PRKN: variants seen among roughly 807,000 people sequenced by gnomAD.
PRKN encodes E3 ubiquitin-protein ligase parkin.
A neutral mutation model predicts 59.5 loss-of-function variants in PRKN; 56 were observed. The ratio of observed to expected loss-of-function variants is 0.94; its 90% CI spans 0.76 to 1.18. PRKN has a LOEUF of 1.18. Among genes scored for constraint, PRKN ranks in the 50% most tolerant of loss-of-function variants. PRKN has a pLI of 0.00. For missense variants in PRKN, 657 were observed against 596.4 expected (o/e 1.10, Z -1.06); for synonymous variants, 250 against 222.1 (o/e 1.13, Z -1.12).
At chr6:161,669,331 C>T (rs560204069) in intron 7 of PRKN, among the ~76,000 whole-genome samples, 9 of 152,084 alleles carry the variant, frequency 5.9e-5, no homozygotes, top group Non-Finnish European at 8.8e-5. Context: ...TCACAGTGAC[C>T]GCCTCCAGCT....
chr6:162,429,743 G>A (rs888937017), intron 2 of PRKN, among the ~76,000 whole-genome samples: 6 of 152,088 alleles, frequency 3.9e-5, no homozygotes, highest in Admixed American at 3.3e-4. Context: ...GGGACGCACC[G>A]GTCCTGCTTA....
rs1394900448 is a variant in PRKN at position 161,582,716 on chromosome 6, T to C, written c.872-13300A>G. ...TTCTGGGATTACAGGTGTGAGACACTGCGCCTGGCCTGCAGACTATTATTA... is the reference window on the plus strand; with the variant it reads ...TTCTGGGATTACAGGTGTGAGACACCGCGCCTGGCCTGCAGACTATTATTA... On this transcript the variant is annotated intron_variant, in intron 7 of 11. Transcript: ENST00000366898. This position sits in a 1 kb window ranked among gnomAD's most constrained non-coding sequence, Gnocchi z 4.4. Among the ~76,000 whole-genome samples, 1 of 152,030 alleles carries C rather than the reference T, an allele frequency of 6.6e-6. No homozygotes were observed. Among genetic ancestry groups the C allele is most frequent in the Non-Finnish European group, 1.5e-5 (1 of 68,010 alleles).
intron 3 of PRKN, among the ~76,000 whole-genome samples, chr6:162,239,549 G>A (rs558194128): frequency 3.9e-5 from 6 of 152,024 alleles, no homozygotes; most frequent in African/African-American, 1.4e-4. Flanking sequence ...CCACTCCCAC[G>A]GCATCTCGGC....
chr6:161,772,065 C>G (rs1789714150), intron 7 of PRKN, among the ~76,000 whole-genome samples: 1 of 152,094 alleles, frequency 6.6e-6, no homozygotes, highest in Admixed American at 6.5e-5. Context: ...GCCAAAGCAA[C>G]ATACAGTATT....
chr6:162,634,798 A>G (rs1355929475), intron 1 of PRKN, among the ~76,000 whole-genome samples: 2 of 152,048 alleles, frequency 1.3e-5, no homozygotes, highest in Non-Finnish European at 2.9e-5. Context: ...TAATTTTTCT[A>G]TTTTTAGTAG....
intron 5 of PRKN, among the ~76,000 whole-genome samples, chr6:162,000,098 A>G (rs2128262366): frequency 6.6e-6 from 1 of 152,258 alleles, no homozygotes; most frequent in South Asian, 2.1e-4. Context: ...TAAAGTCGCT[A>G]TAAATATCCA....
At chr6:162,211,525 T>G (rs939952478) in intron 3 of PRKN, among the ~76,000 whole-genome samples, 1 of 152,142 alleles carries the variant, frequency 6.6e-6, no homozygotes. Context: ...AATTTAAAAT[T>G]TTTTAAAAAA....
intron 2 of PRKN, among the ~76,000 whole-genome samples, chr6:162,307,260 C>T (rs1327236281): frequency 1.3e-5 from 2 of 151,920 alleles, no homozygotes; most frequent in Non-Finnish European, 2.9e-5. Flanking sequence ...ATTAGCCAGT[C>T]ATGCTGGTGG....
In PRKN at chr6:161,561,863, C is replaced by G. The variant is rs960741235; in HGVS notation, c.933+7492G>C. Among the ~76,000 whole-genome samples, 2 of 152,196 alleles carry G rather than the reference C, an allele frequency of 1.3e-5. No homozygotes were observed. Among genetic ancestry groups the G allele is most frequent in the African/African-American group, 4.8e-5 (2 of 41,448 alleles). On this transcript the variant is annotated intron_variant, in intron 8 of 11. Coordinates refer to ENST00000366898, the MANE Select transcript of PRKN (RefSeq NM_004562.3). This position sits in a 1 kb window ranked among gnomAD's most constrained non-coding sequence, Gnocchi z 5.0. Reference sequence around the variant, plus strand: ...CTCTAGAAGGAATTATCCTCCCCTTCTGTTCACTCTTCATCCCATAAAACT... The same window carrying G: ...CTCTAGAAGGAATTATCCTCCCCTTGTGTTCACTCTTCATCCCATAAAACT...
chr6:162,076,643 T>C (rs1444948153), intron 4 of PRKN, among the ~76,000 whole-genome samples: 2 of 152,168 alleles, frequency 1.3e-5, no homozygotes, highest in Non-Finnish European at 2.9e-5. Context: ...TTCTTAGCAC[T>C]GATTTAAACC....
At chr6:161,880,668 T>C (rs914917408) in intron 6 of PRKN, among the ~76,000 whole-genome samples, 2 of 152,122 alleles carry the variant, frequency 1.3e-5, no homozygotes, top group African/African-American at 2.4e-5. Flanking sequence ...CAGCTTTTCC[T>C]ACAAGGAGGC....
intron 7 of PRKN, among the ~76,000 whole-genome samples, chr6:161,659,698 G>A (rs1010161776): frequency 2.0e-5 from 3 of 152,160 alleles, no homozygotes; most frequent in African/African-American, 7.2e-5. Context: ...TCCAGGTCGG[G>A]TTTTGGAGTC....
chr6:162,639,222 A>G (rs2128224135), intron 1 of PRKN, among the ~76,000 whole-genome samples: 1 of 152,292 alleles, frequency 6.6e-6, no homozygotes, highest in East Asian at 1.9e-4. Flanking sequence ...GATTCTCCAC[A>G]GTCAATGGCG....
intron 5 of PRKN, among the ~76,000 whole-genome samples, chr6:162,033,580 G>C (rs2128279811): frequency 6.6e-6 from 1 of 152,256 alleles, no homozygotes; most frequent in East Asian, 1.9e-4. Flanking sequence ...TTTCGTAGGG[G>C]AATTTGGTCA....
At chr6:162,075,389 T>C (rs1273124434) in intron 4 of PRKN, among the ~76,000 whole-genome samples, 1 of 151,428 alleles carries the variant, frequency 6.6e-6, no homozygotes, top group East Asian at 1.9e-4. Context: ...AATTAAGCTT[T>C]ATGAATAACA....
At chr6:162,293,744 T>G (rs1781540555) in intron 2 of PRKN, among the ~76,000 whole-genome samples, 1 of 152,142 alleles carries the variant, frequency 6.6e-6, no homozygotes, top group South Asian at 2.1e-4. Flanking sequence ...TGGGAAAGAC[T>G]GGGGTTCCCC....
intron 2 of PRKN, among the ~76,000 whole-genome samples, chr6:162,439,127 T>C (rs1789927504): frequency 6.6e-6 from 1 of 152,146 alleles, no homozygotes; most frequent in Non-Finnish European, 1.5e-5. Context: ...GGCTCTCCAC[T>C]CAGCCTTTAC....
chr6:162,707,132 G>GC (rs1288420327), intron 1 of PRKN, among the ~76,000 whole-genome samples: 13 of 151,950 alleles, frequency 8.6e-5, no homozygotes, highest in East Asian at 3.8e-4. Flanking sequence ...GAAAAAAGCA[G>GC]AGTTTCCCCA....
intron 9 of PRKN, among the ~76,000 whole-genome samples, chr6:161,506,050 C>A (rs1778156540): frequency 6.6e-6 from 1 of 151,064 alleles, no homozygotes; most frequent in Non-Finnish European, 1.5e-5. Flanking sequence ...TAGTTTTTTC[C>A]AATTCTGTGA....
Sources: gnomAD v4.1 joint callset for allele counts (sites outside exome capture counted in the v4.1 genomes callset) on GRCh38, gnomAD v4.1.1 for gene constraint, Gnocchi (gnomAD v3.1) non-coding constraint, MANE v1.5 for transcripts, NCBI Gene and HGNC (gene_info 2026-07-23, HGNC 2026-07-21) for gene names.